Variants in SLC1A1 observed in about 807,000 individuals in gnomAD.
SLC1A1 encodes the protein excitatory amino acid transporter 3.
In SLC1A1, 43 loss-of-function variants were observed where a neutral mutation model predicts 53.3. The ratio of observed to expected loss-of-function variants is 0.81; its 90% CI spans 0.63 to 1.04. SLC1A1 has a LOEUF of 1.04. Ranked by LOEUF, SLC1A1 falls within the 50% of genes least tolerant of loss-of-function variation. The pLI, the probability that SLC1A1 is intolerant of heterozygous loss-of-function variation, is 0.00. For synonymous variants in SLC1A1, 307 were observed against 243.2 expected (o/e 1.26, Z -2.44); for missense variants, 748 against 664.9 (o/e 1.12, Z -1.37).
At chr9:4,541,569 T>C (rs1817012676) in intron 1 of SLC1A1, among the ~76,000 whole-genome samples, 1 of 152,186 alleles carries the variant, frequency 6.6e-6, no homozygotes, top group Non-Finnish European at 1.5e-5. Flanking sequence ...GAAAGGGTCT[T>C]CCCTGGCACC....
intron 6 of SLC1A1, among the ~76,000 whole-genome samples, chr9:4,569,618 A>G (rs976809388): frequency 2.0e-5 from 3 of 152,218 alleles, no homozygotes; most frequent in African/African-American, 7.2e-5. Context: ...AGGAGTGTTC[A>G]TTAGACTTAA....
chr9:4,575,366 A>C (rs964441441), intron 8 of SLC1A1, among the ~76,000 whole-genome samples: 2 of 152,210 alleles, frequency 1.3e-5, no homozygotes, highest in Non-Finnish European at 2.9e-5. Flanking sequence ...TTGAGAAGGC[A>C]GGAATAACAA....
intron 1 of SLC1A1, among the ~76,000 whole-genome samples, chr9:4,542,229 A>T (rs1428028753): frequency 6.6e-6 from 1 of 152,138 alleles, no homozygotes; most frequent in East Asian, 1.9e-4. Flanking sequence ...ATTGGAGTAC[A>T]ATTTGTGGCA....
chr9:4,536,039 T>C (rs1816660631), intron 1 of SLC1A1, among the ~76,000 whole-genome samples: 1 of 152,038 alleles, frequency 6.6e-6, no homozygotes, highest in Non-Finnish European at 1.5e-5. Context: ...ATACAAAAAT[T>C]AATACAAGAT....
In SLC1A1 at chr9:4,539,921, G is replaced by A. The variant is rs147014541; in HGVS notation, c.92-4646G>A. On this transcript the variant is annotated intron_variant, in intron 1 of 11. Transcript: ENST00000262352. ...AAAGCTGGAGAAAGCGATAGGGACAGGAGGCAGAGAAATTCTGGGCAGAAG... is the reference window on the plus strand; with the variant it reads ...AAAGCTGGAGAAAGCGATAGGGACAAGAGGCAGAGAAATTCTGGGCAGAAG... Among the ~76,000 whole-genome samples, 43 of 152,288 alleles carry A rather than the reference G, an allele frequency of 2.8e-4. No individual in the cohort carries two copies. In the East Asian group the frequency reaches 5.0e-3, roughly 18 times the overall value.
intron 1 of SLC1A1, among the ~76,000 whole-genome samples, chr9:4,500,902 C>T (rs2130799402): frequency 6.6e-6 from 1 of 152,282 alleles, no homozygotes; most frequent in South Asian, 2.1e-4. Flanking sequence ...CTTCATGTTC[C>T]TCTCCCAGGC....
intron 2 of SLC1A1, among the ~76,000 whole-genome samples, chr9:4,557,225 G>A (rs1223027516): frequency 6.6e-6 from 1 of 152,240 alleles, no homozygotes; most frequent in East Asian, 1.9e-4. Flanking sequence ...TGGGGGCCCA[G>A]TGAAGAATAA....
Position 4,576,447 on chromosome 9 carries a change from T to G in SLC1A1, c.999-122T>G, listed in dbSNP as rs1397470237. On this transcript the variant is annotated intron_variant, in intron 9 of 11. Transcript: ENST00000262352. ...ATTTTGTTTTGTTATTTTCTTTACT[T>G]TTCTCGACAAGATTACCTAAAAGGA... The G allele has an allele frequency of 3.6e-6, 3 of 833,600 alleles. No individual in the cohort carries two copies. The African/African-American group carries it at 5.0e-5, about 14-fold the overall frequency. 51.6% of individuals were successfully genotyped at this position (833,600 alleles called of 1,614,324 possible).
intron 1 of SLC1A1, among the ~76,000 whole-genome samples, chr9:4,522,097 G>T (rs1173623421): frequency 2.1e-5 from 3 of 145,512 alleles, no homozygotes; most frequent in African/African-American, 7.8e-5. Context: ...TGTCGCCCAG[G>T]CTGGAGTGCA....
In SLC1A1 at chr9:4,567,411, T is replaced by C. The variant is rs141716575; in HGVS notation, c.484-258T>C. ...GTATTATTCTTCTATCAACTTGTCGTTTATTGTGAAAGTGAAGGAACATTT... is the reference window on the plus strand; with the variant it reads ...GTATTATTCTTCTATCAACTTGTCGCTTATTGTGAAAGTGAAGGAACATTT... On this transcript the variant is annotated intron_variant, in intron 5 of 11. Transcript: ENST00000262352. 2.8e-3 allele frequency among the ~76,000 whole-genome samples: 427 copies of C among 152,338 alleles called. 1 individual carries two copies. The highest frequency in any genetic ancestry group is 9.6e-3 in the African/African-American group (400 of 41,568).
At chr9:4,507,191 C>T (rs1000673125) in intron 1 of SLC1A1, among the ~76,000 whole-genome samples, 4 of 151,802 alleles carry the variant, frequency 2.6e-5, no homozygotes, top group East Asian at 1.9e-4. Flanking sequence ...GCCAAAGTGG[C>T]GCCACTGCAC....
At chr9:4,528,690 G>A (rs1816356140) in intron 1 of SLC1A1, among the ~76,000 whole-genome samples, 1 of 152,166 alleles carries the variant, frequency 6.6e-6, no homozygotes, top group Non-Finnish European at 1.5e-5. Flanking sequence ...ATAAAGAGAT[G>A]ATACCAGAGG....
intron 10 of SLC1A1, among the ~76,000 whole-genome samples, chr9:4,578,263 T>C (rs1435805226): frequency 6.6e-6 from 1 of 152,224 alleles, no homozygotes; most frequent in Admixed American, 6.5e-5. Context: ...TTAGCTGTGA[T>C]CTTGGGCAAG....
At chr9:4,567,177 G>T (rs1819570321) in intron 5 of SLC1A1, among the ~76,000 whole-genome samples, 1 of 152,234 alleles carries the variant, frequency 6.6e-6, no homozygotes, top group South Asian at 2.1e-4. Context: ...TCACTGAATA[G>T]CCCCAAGGGG....
intron 1 of SLC1A1, among the ~76,000 whole-genome samples, chr9:4,496,578 A>G (rs10974575): frequency 0.12 from 18,895 of 151,892 alleles, 1,340 homozygotes; most frequent in East Asian, 0.24. Flanking sequence ...GTCTGACTGA[A>G]CCTGAAGAGA....
intron 1 of SLC1A1, among the ~76,000 whole-genome samples, chr9:4,517,084 T>G (rs17812232): frequency 0.034 from 5,135 of 152,260 alleles, 144 homozygotes; most frequent in South Asian, 0.057. Flanking sequence ...GCTTTTTAGA[T>G]CAGATGATTA....
At chr9:4,542,371 C>A (rs901370953) in intron 1 of SLC1A1, among the ~76,000 whole-genome samples, 1 of 152,150 alleles carries the variant, frequency 6.6e-6, no homozygotes, top group East Asian at 1.9e-4. Context: ...TTAAAAAAAT[C>A]CTGTATCTGG....
In SLC1A1 at chr9:4,583,850, C is replaced by T. The variant is rs1421651376; in HGVS notation, c.1328+678C>T. Among the ~76,000 whole-genome samples the T allele has an allele frequency of 2.0e-5, 2 of 100,388 alleles. No individual in the cohort carries two copies. Among genetic ancestry groups the T allele is most frequent in the Admixed American group, 2.3e-4 (2 of 8,820 alleles). 65.9% of individuals were successfully genotyped at this position (100,388 alleles called of 152,430 possible). A position where few individuals can be genotyped will look rare whatever the true frequency, so the allele number is the denominator to read the frequency against. ...GGACCATTCAGGCCCCAATCAACAACACTTCTCTCTCTCTCTCTCTCTCTC... is the reference window on the plus strand; with the variant it reads ...GGACCATTCAGGCCCCAATCAACAATACTTCTCTCTCTCTCTCTCTCTCTC... On this transcript the variant is annotated intron_variant, in intron 11 of 11. Coordinates refer to ENST00000262352, the MANE Select transcript of SLC1A1 (RefSeq NM_004170.6). This position sits in a 1 kb window ranked among gnomAD's most constrained non-coding sequence, Gnocchi z 4.6.
intron 1 of SLC1A1, among the ~76,000 whole-genome samples, chr9:4,516,597 C>A (rs899334843): frequency 6.6e-6 from 1 of 152,318 alleles, no homozygotes; most frequent in Non-Finnish European, 1.5e-5. Context: ...CCATGGGCTT[C>A]ACTTTCCTGC....
Sources: gnomAD v4.1 joint callset for allele counts (sites outside exome capture counted in the v4.1 genomes callset) on GRCh38, gnomAD v4.1.1 for gene constraint, Gnocchi (gnomAD v3.1) non-coding constraint, MANE v1.5 for transcripts, NCBI Gene and HGNC (gene_info 2026-07-23, HGNC 2026-07-21) for gene names.